Variants in NCF2 observed in about 807,000 individuals in gnomAD.
NCF2 encodes neutrophil cytosol factor 2.
In NCF2, 45 loss-of-function variants were observed where a neutral mutation model predicts 70.9. The ratio of observed to expected loss-of-function variants is 0.63; its 90% CI spans 0.50 to 0.81. The LOEUF is 0.81. Among genes scored for constraint, NCF2 ranks in the 40% least tolerant of loss-of-function variants. The pLI, the probability that NCF2 is intolerant of heterozygous loss-of-function variation, is 0.00. For missense variants in NCF2, 522 were observed against 631.6 expected, an observed-to-expected ratio of 0.83 and a Z score of 1.86; for synonymous variants, 203 against 233.6, an observed-to-expected ratio of 0.87 and a Z score of 1.19.
At chr1:183,567,968 G>T (rs1055116140) in intron 7 of NCF2, among the ~76,000 whole-genome samples, 3 of 152,090 alleles carry the variant, frequency 2.0e-5, no homozygotes, top group Non-Finnish European at 2.9e-5. Flanking sequence ...ACTTTGGAAC[G>T]TGTGACTGAG....
chr1:183,563,916 T>C, intron 11 of NCF2, 89 bp downstream of exon 11: 1 of 1,449,404 alleles, frequency 6.9e-7, no homozygotes, highest in Non-Finnish European at 9.7e-7. Flanking sequence ...TTGGGGCTCT[T>C]CCTATAATCC....
At chr1:183,564,746 A>G (rs1332509080) in intron 10 of NCF2, among the ~76,000 whole-genome samples, 1 of 152,218 alleles carries the variant, frequency 6.6e-6, no homozygotes, top group Non-Finnish European at 1.5e-5. Flanking sequence ...AACAACAAAA[A>G]ACCTGTCAAG....
intron 2 of NCF2, among the ~76,000 whole-genome samples, chr1:183,582,784 G>T (rs1673173661): frequency 6.6e-6 from 1 of 152,154 alleles, no homozygotes. Flanking sequence ...GATTCATAAG[G>T]CACAGGATCT....
At chr1:183,568,991 C>G (rs937576701) in intron 7 of NCF2, 151 bp downstream of exon 7, 13 of 774,914 alleles carry the variant, frequency 1.7e-5, no homozygotes, top group Non-Finnish European at 2.5e-5. Flanking sequence ...GCATTCCTTT[C>G]TAGCCTGACA....
rs755796920 is a variant in NCF2 at position 183,573,229 on chromosome 1, G to T, written c.565C>A (p.Gln189Lys). 1.2e-6 allele frequency: 2 copies of T among 1,614,020 alleles called. No homozygotes were observed. Among genetic ancestry groups the T allele is most frequent in the Admixed American group, 3.3e-5 (2 of 60,000 alleles). Residue 189 changes from glutamine to lysine, a missense_variant, in exon 5 of 15, where the codon CAA (glutamine) becomes AAA (lysine). By Grantham distance (53) the Gln-to-Lys change is moderately conservative. Transcript: ENST00000367535. ...VGKLFRPNERQVAQLAKKDYL... is the reference protein window; with the variant it reads ...VGKLFRPNERKVAQLAKKDYL... Reference sequence around the variant, plus strand: ...TCCTTCTTGGCCAGCTGAGCCACTTGTCTCTCATTTGGTCGAAACAGCTTG... The same window carrying T: ...TCCTTCTTGGCCAGCTGAGCCACTTTTCTCTCATTTGGTCGAAACAGCTTG...
At chr1:183,583,039 T>A (rs1010965881) in intron 2 of NCF2, among the ~76,000 whole-genome samples, 1 of 152,140 alleles carries the variant, frequency 6.6e-6, no homozygotes, top group Non-Finnish European at 1.5e-5. Flanking sequence ...AATTCCCTTT[T>A]GTAATCTGAG....
intron 14 of NCF2, among the ~76,000 whole-genome samples, chr1:183,559,791 G>A (rs1368420917): frequency 6.6e-6 from 1 of 152,152 alleles, no homozygotes; most frequent in Admixed American, 6.5e-5. Context: ...CCCAGGAGGG[G>A]GAGGTTGCAG....
intron 9 of NCF2, 84 bp downstream of exon 9, chr1:183,566,836 C>G: frequency 6.4e-7 from 1 of 1,555,134 alleles, no homozygotes; most frequent in Admixed American, 1.7e-5. Context: ...CCTGACAACA[C>G]CTCTTTTACA....
chr1:183,579,000 G>A (rs1173925449), intron 2 of NCF2, among the ~76,000 whole-genome samples: 2 of 152,204 alleles, frequency 1.3e-5, no homozygotes, highest in African/African-American at 2.4e-5. Flanking sequence ...GCCTGGTTGT[G>A]GCTCACACCT....
Position 183,563,180 on chromosome 1 carries a change from C to G in NCF2, c.1290+15G>C, listed in dbSNP as rs1451404544. The G allele has an allele frequency of 1.2e-6, 2 of 1,610,482 alleles. No homozygotes were observed. Among genetic ancestry groups the G allele is most frequent in the Non-Finnish European group, 1.7e-6 (2 of 1,176,828 alleles). Reference sequence around the variant, plus strand: ...CAGTGGAAATGTAACTTTAGATGCCCCTCATTGCACTCACCACTGTGTTCT... The same window carrying G: ...CAGTGGAAATGTAACTTTAGATGCCGCTCATTGCACTCACCACTGTGTTCT... On this transcript the variant is annotated intron_variant, in intron 13 of 14. Coordinates refer to ENST00000367535, the MANE Select transcript of NCF2 (RefSeq NM_000433.4).
chr1:183,599,017 G>A, the NCF2 span, among the ~76,000 whole-genome samples: 1 of 152,274 alleles, frequency 6.6e-6, no homozygotes, highest in East Asian at 1.9e-4. Context: ...TTAAACAAAG[G>A]CACTTACAAA....
chr1:183,590,273 C>T lies in NCF2; in HGVS notation c.57G>A (p.Lys19=), dbSNP rs1673582136. 1.2e-6 allele frequency: 2 copies of T among 1,614,186 alleles called. No individual in the cohort carries two copies. The highest frequency in any genetic ancestry group is 1.7e-5 in the Admixed American group (1 of 60,010). Residue 19 remains lysine, a synonymous_variant, in exon 1 of 15, where the codon AAG becomes AAA. Coordinates refer to ENST00000367535, the MANE Select transcript of NCF2 (RefSeq NM_000433.4). ...LWNEGVLAAD[K]KDWKGALDAF... ...CATCCAGGGCTCCCTTCCAGTCCTT[C>T]TTGTCCGCTGCCAGCACCCCTTCAT... is the stretch of plus-strand genomic sequence containing the variant.
In NCF2 at chr1:183,590,449, A is replaced by G. The variant is rs974517426; in HGVS notation, c.-120T>C. 2.9e-6 allele frequency: 3 copies of G among 1,043,428 alleles called. No homozygotes were observed. Among genetic ancestry groups the G allele is most frequent in the Admixed American group, 2.0e-5 (1 of 51,072 alleles). 64.6% of individuals were successfully genotyped at this position (1,043,428 alleles called of 1,614,324 possible). On this transcript the variant is annotated 5_prime_UTR_variant, in exon 1 of 15. Coordinates refer to ENST00000367535, the MANE Select transcript of NCF2 (RefSeq NM_000433.4). The stretch of plus-strand genomic sequence containing the variant: ...CCAAGGTGTTCACTTTCTGGGCCAG[A>G]TGAGTAGAATGGGGCCCAGCCTCCC...
At chr1:183,567,399 C>A (rs112923747) in intron 7 of NCF2, 54 bp from the exon 8 acceptor site, 5 of 1,609,898 alleles carry the variant, frequency 3.1e-6, no homozygotes, top group African/African-American at 1.3e-5. Flanking sequence ...GATGCCATGG[C>A]GCAAATACAC....
chr1:183,557,569 T>C (rs1195361665), intron 14 of NCF2, among the ~76,000 whole-genome samples: 2 of 152,236 alleles, frequency 1.3e-5, no homozygotes, highest in Non-Finnish European at 2.9e-5. Flanking sequence ...TGAACTCCCC[T>C]CTGTCCTACC....
chr1:183,571,860 T>C (rs946987012), intron 5 of NCF2, among the ~76,000 whole-genome samples: 11 of 152,250 alleles, frequency 7.2e-5, no homozygotes, highest in African/African-American at 2.7e-4. Flanking sequence ...ATGTGGCCTT[T>C]CGTATCTGGC....
At chr1:183,583,836 A>G (rs1432250403) in intron 2 of NCF2, among the ~76,000 whole-genome samples, 1 of 152,234 alleles carries the variant, frequency 6.6e-6, no homozygotes. Flanking sequence ...TCTTGCAGTC[A>G]TGGAAGCCAC....
intron 2 of NCF2, 66 bp downstream of exon 2, chr1:183,586,829 G>GC: frequency 6.8e-7 from 1 of 1,462,860 alleles, no homozygotes; most frequent in Non-Finnish European, 9.6e-7. Context: ...CACCAAGCCC[G>GC]CAACACTGAG....
chr1:183,585,569 G>A (rs1195400702), intron 2 of NCF2, among the ~76,000 whole-genome samples: 1 of 147,720 alleles, frequency 6.8e-6, no homozygotes, highest in East Asian at 1.9e-4. Context: ...AGGTTGCAGT[G>A]AGCCGAGATC....
Sources: gnomAD v4.1 joint callset for allele counts (sites outside exome capture counted in the v4.1 genomes callset) on GRCh38, gnomAD v4.1.1 for gene constraint, MANE v1.5 for transcripts, NCBI Gene and HGNC (gene_info 2026-07-23, HGNC 2026-07-21) for gene names.